The following PIWIL4 variants were observed in gnomAD, a reference collection of about 807,000 sequenced individuals.
PIWIL4 encodes piwi-like protein 4.
PIWIL4 carries 50 observed loss-of-function variants against 100.9 expected under a neutral mutation model. The ratio of observed to expected loss-of-function variants is 0.50; its 90% CI spans 0.39 to 0.63. The LOEUF (loss-of-function observed/expected upper bound fraction) is 0.63, where lower values mean the gene tolerates loss of function less well. PIWIL4 is among the 20% of genes least tolerant of loss of function. The pLI, the probability that PIWIL4 is intolerant of heterozygous loss-of-function variation, is 0.00. For missense variants in PIWIL4, 887 were observed against 1,043.3 expected, an observed-to-expected ratio of 0.85 and a Z score of 2.06; for synonymous variants, 342 against 367.5, an observed-to-expected ratio of 0.93 and a Z score of 0.79.
intron 4 of PIWIL4, among the ~76,000 whole-genome samples, 184 bp downstream of exon 4, chr11:94,577,676 CT>C (rs1284739966): frequency 6.6e-6 from 1 of 152,164 alleles, no homozygotes; most frequent in African/African-American, 2.4e-5. Context: ...GGTCAAGACA[CT>C]TTTATAAGCA....
At chr11:94,605,362 G>T (rs539147868) in intron 13 of PIWIL4, among the ~76,000 whole-genome samples, 1 of 152,050 alleles carries the variant, frequency 6.6e-6, no homozygotes, top group Admixed American at 6.5e-5. Context: ...AACGTCCCTC[G>T]ATTTGGGTTT....
intron 7 of PIWIL4, among the ~76,000 whole-genome samples, chr11:94,587,497 C>T (rs1190739055): frequency 6.6e-6 from 1 of 152,208 alleles, no homozygotes; most frequent in Non-Finnish European, 1.5e-5. Flanking sequence ...ATTCTAACCC[C>T]CAGCGGTCTG....
At chr11:94,595,001 G>A (rs1225240523) in intron 9 of PIWIL4, among the ~76,000 whole-genome samples, 2 of 152,012 alleles carry the variant, frequency 1.3e-5, no homozygotes, top group Non-Finnish European at 2.9e-5. Flanking sequence ...GAAAGGCTTA[G>A]TATGAAAAAA....
At chr11:94,583,044 ATGTGTGTG>A (rs58072951) in intron 4 of PIWIL4, among the ~76,000 whole-genome samples, 3 of 133,888 alleles carry the variant, frequency 2.2e-5, no homozygotes, top group Middle Eastern at 3.7e-3. Context: ...ATATATATAT[ATGTGTGTG>A]TGTGTGTGTG....
intron 17 of PIWIL4, among the ~76,000 whole-genome samples, chr11:94,618,898 G>C (rs1948875542): frequency 6.6e-6 from 1 of 152,170 alleles, no homozygotes; most frequent in South Asian, 2.1e-4. Flanking sequence ...AAGCCTGAAA[G>C]TTTGGTGGCA....
intron 15 of PIWIL4, among the ~76,000 whole-genome samples, chr11:94,613,894 C>T (rs1328145396): frequency 1.3e-5 from 2 of 152,088 alleles, no homozygotes; most frequent in Admixed American, 1.3e-4. Flanking sequence ...TCCCAAGTAG[C>T]TGAGATTATA....
At chr11:94,574,609 C>G (rs1948212173) in intron 2 of PIWIL4, among the ~76,000 whole-genome samples, 1 of 152,126 alleles carries the variant, frequency 6.6e-6, no homozygotes, top group Admixed American at 6.5e-5. Context: ...AAGTGATCCT[C>G]CCACCTCAGC....
intron 5 of PIWIL4, among the ~76,000 whole-genome samples, chr11:94,585,039 TG>T (rs1448533529): frequency 6.6e-6 from 1 of 152,204 alleles, no homozygotes; most frequent in Non-Finnish European, 1.5e-5. Context: ...CACTCCAGCC[TG>T]GGCAACAAGA....
intron 15 of PIWIL4, among the ~76,000 whole-genome samples, chr11:94,612,665 T>C (rs1353440714): frequency 2.0e-5 from 3 of 152,190 alleles, no homozygotes; most frequent in Non-Finnish European, 4.4e-5. Flanking sequence ...TTTTCTGCAA[T>C]AGTATGCTTT....
intron 2 of PIWIL4, among the ~76,000 whole-genome samples, chr11:94,570,757 C>T (rs570880161): frequency 3.9e-5 from 6 of 152,108 alleles, no homozygotes; most frequent in South Asian, 2.1e-4. Flanking sequence ...CCAGGCATGG[C>T]GGTGCACACC....
chr11:94,582,121 A>AG (rs1348216566), intron 4 of PIWIL4, among the ~76,000 whole-genome samples: 8 of 152,098 alleles, frequency 5.3e-5, no homozygotes, highest in Admixed American at 1.3e-4. Flanking sequence ...GAGAGGTACA[A>AG]GGCGGGGCTG....
intron 15 of PIWIL4, 136 bp downstream of exon 15, chr11:94,608,822 C>T (rs1391562586): frequency 8.2e-6 from 6 of 732,036 alleles, no homozygotes; most frequent in South Asian, 1.8e-5. Context: ...TCATAAATTA[C>T]ACTTACATAT....
chr11:94,578,147 C>T (rs576985213), intron 4 of PIWIL4, among the ~76,000 whole-genome samples: 2 of 152,244 alleles, frequency 1.3e-5, no homozygotes, highest in East Asian at 3.9e-4. Flanking sequence ...CCACTTCCAC[C>T]TCTCGGTAGT....
At chr11:94,583,405 G>T (rs748886460) in intron 4 of PIWIL4, 43 bp from the exon 5 acceptor site, 20 of 1,601,278 alleles carry the variant, frequency 1.2e-5, no homozygotes, top group Non-Finnish European at 1.7e-5. Context: ...TGCACACTTG[G>T]GGATAATTTG....
Position 94,607,109 on chromosome 11 carries a change from A to G in PIWIL4, c.1639-330A>G, listed in dbSNP as rs115455215. On this transcript the variant is annotated intron_variant, in intron 13 of 19. Coordinates refer to ENST00000299001, the MANE Select transcript of PIWIL4 (RefSeq NM_152431.3). ...GGGGTGAGGGAGTGGAGATAGCTGG[A>G]GAAGCAGCTCTGTGAGAAGGGAATT... Among the ~76,000 whole-genome samples, 201 of 152,240 alleles carry G rather than the reference A, an allele frequency of 1.3e-3. 4 individuals carry two copies. Among genetic ancestry groups the G allele is most frequent in the African/African-American group, 4.7e-3 (195 of 41,548 alleles).
intron 15 of PIWIL4, among the ~76,000 whole-genome samples, chr11:94,611,615 G>A (rs1397927210): frequency 1.3e-5 from 2 of 152,134 alleles, no homozygotes; most frequent in Non-Finnish European, 2.9e-5. Flanking sequence ...CCTGGTGGGA[G>A]GTGTTTTGGT....
At chr11:94,611,143 A>C (rs968867305) in intron 15 of PIWIL4, among the ~76,000 whole-genome samples, 1 of 152,140 alleles carries the variant, frequency 6.6e-6, no homozygotes. Flanking sequence ...GTCAGTTTTT[A>C]TGGCAGTATC....
Position 94,607,457 on chromosome 11 carries a change from TC to T in PIWIL4, c.1658del (p.Ser553LeufsTer14), listed in dbSNP as rs1328376502. On this transcript the variant is annotated frameshift_variant, in exon 14 of 20. Coordinates refer to ENST00000299001, the MANE Select transcript of PIWIL4 (RefSeq NM_152431.3). LOFTEE classifies it high-confidence loss of function. ...CTTTTAGGTAATGTGCATTCTGCCT[TC>T]TAATCAGAAGACCTATTATGATTCC... ...DVQLVMCILP[S>X]NQKTYYDSIK... 3 of 1,613,926 alleles carry T rather than the reference TC, an allele frequency of 1.9e-6. No homozygotes were observed. In the African/African-American group the frequency reaches 4.0e-5, roughly 22 times the overall value.
At chr11:94,605,930 C>A (rs376780310) in intron 13 of PIWIL4, among the ~76,000 whole-genome samples, 2 of 152,244 alleles carry the variant, frequency 1.3e-5, no homozygotes, top group African/African-American at 4.8e-5. Flanking sequence ...TACTTTCTGG[C>A]AAAATAAGAT....
Sources: gnomAD v4.1 joint callset for allele counts (sites outside exome capture counted in the v4.1 genomes callset) on GRCh38, gnomAD v4.1.1 for gene constraint, MANE v1.5 for transcripts, NCBI Gene and HGNC (gene_info 2026-07-23, HGNC 2026-07-21) for gene names.